GSTA5: variants seen among roughly 807,000 people sequenced by gnomAD.
GSTA5 encodes the protein glutathione S-transferase alpha 5, also known as glutathione S-transferase A5.
GSTA5 carries 25 observed loss-of-function variants against 21.8 expected under a neutral mutation model. The ratio of observed to expected loss-of-function variants is 1.14; its 90% confidence interval spans 0.83 to 1.60. The LOEUF is 1.60. GSTA5 is among the 40% of genes most tolerant of loss of function. The probability of loss-of-function intolerance (pLI) is 0.00; values close to 1 mark genes in which losing one functional copy is unlikely to be tolerated. For synonymous variants in GSTA5, 102 were observed against 89.5 expected, an observed-to-expected ratio of 1.14 and a Z score of -0.78; for missense variants, 330 against 259.2, an observed-to-expected ratio of 1.27 and a Z score of -1.88.
intron 1 of GSTA5, 27 bp downstream of exon 1, chr6:52,840,700 C>G: frequency 6.2e-7 from 1 of 1,600,810 alleles, no homozygotes; most frequent in East Asian, 2.2e-5. Flanking sequence ...TTAAATCCAA[C>G]TTAAGATGAC....
exon 1 of GSTA5, chr6:52,840,838 C>G: frequency 1.3e-6 from 2 of 1,589,658 alleles, no homozygotes; most frequent in Non-Finnish European, 8.6e-7. Context: ...GGAGGTTTCT[C>G]TAAGCCTGAA....
rs550367150 is a variant in GSTA5, at chr6:52,836,226, T to C, written c.272+10A>G. The stretch of plus-strand genomic sequence containing the variant: ...TCTCTGTGGATGGAAGAACAGAAAA[T>C]ATACCATACAGGGCTCTCTCCTTCA... On this transcript the variant is annotated intron_variant, in intron 3 of 5. Coordinates refer to ENST00000370989, the Ensembl canonical transcript of GSTA5. 3.7e-6 allele frequency: 6 copies of C among 1,611,962 alleles called. No individual in the cohort carries two copies. In the South Asian group the frequency reaches 5.5e-5, roughly 15 times the overall value.
exon 6 of GSTA5, chr6:52,831,763 A>T: frequency 6.7e-7 from 1 of 1,503,014 alleles, no homozygotes; most frequent in Non-Finnish European, 9.1e-7. Context: ...TACAAGAGGC[A>T]CAATCCACAC....
chr6:52,834,283 C>G lies in GSTA5; in HGVS notation c.273-1G>C. 1 of 1,602,550 alleles carries G rather than the reference C, an allele frequency of 6.2e-7. No individual in the cohort carries two copies. The highest frequency in any genetic ancestry group is 1.7e-4 in the Middle Eastern group (1 of 6,014). ...TATACCTTCTGTGTACATATCAATC[C>G]TGAAAGACAAAAACAACCAAACCAT... On this transcript the variant is annotated splice_acceptor_variant, in intron 3 of 5. Coordinates refer to ENST00000370989, the Ensembl canonical transcript of GSTA5. LOFTEE classifies it high-confidence loss of function.
chr6:52,836,209 G>A (rs530636590), intron 3 of GSTA5, 27 bp downstream of exon 3: 2 of 1,609,962 alleles, frequency 1.2e-6, no homozygotes, highest in African/African-American at 1.3e-5. Flanking sequence ...GTTCTCTGTG[G>A]ATGGAAGAAC....
intron 4 of GSTA5, among the ~76,000 whole-genome samples, chr6:52,833,700 C>T (rs1460549213): frequency 2.0e-5 from 3 of 152,184 alleles, no homozygotes; most frequent in African/African-American, 4.8e-5. Flanking sequence ...ATCCCTGAAA[C>T]ACTGCAATAT....
chr6:52,833,881 A>G (rs781186232), intron 4 of GSTA5, among the ~76,000 whole-genome samples: 2 of 152,242 alleles, frequency 1.3e-5, no homozygotes, highest in African/African-American at 2.4e-5. Context: ...CTACTTATGA[A>G]TATGAAATTT....
chr6:52,842,910 C>T (rs2127325824), upstream of GSTA5, among the ~76,000 whole-genome samples: 1 of 152,278 alleles, frequency 6.6e-6, no homozygotes, highest in Non-Finnish European at 1.5e-5. Context: ...TAGGCCCCCA[C>T]CCCACTATAG....
chr6:52,841,261 A>G (rs1337766679), upstream of GSTA5, among the ~76,000 whole-genome samples: 2 of 152,254 alleles, frequency 1.3e-5, no homozygotes, highest in African/African-American at 2.4e-5. Context: ...GAAATCGAAC[A>G]TCAGAGAAAT....
At chr6:52,833,860 C>T (rs751347314) in intron 4 of GSTA5, among the ~76,000 whole-genome samples, 3 of 152,192 alleles carry the variant, frequency 2.0e-5, no homozygotes, top group Non-Finnish European at 4.4e-5. Context: ...GAGCCCTCCA[C>T]AGCCCACGTT....
At position 52,831,981 on chromosome 6, in the gene GSTA5, C is replaced by T. The variant is rs773016514; in HGVS notation, c.547-11G>A. ...TCTGGTTTTCAGGGCCTGTAATCCA[C>T]AAAGCACAGCCTCAGAGTGAAGCCA... On this transcript the variant is annotated splice_polypyrimidine_tract_variant and intron_variant, in intron 5 of 5. Transcript: ENST00000370989. 3.7e-6 allele frequency: 6 copies of T among 1,609,998 alleles called. No homozygotes were observed. The African/African-American group carries it at 6.7e-5, about 18-fold the overall frequency.
chr6:52,841,368 C>T (rs184327108), upstream of GSTA5, among the ~76,000 whole-genome samples: 17 of 152,210 alleles, frequency 1.1e-4, no homozygotes, highest in East Asian at 5.8e-4. Flanking sequence ...GGGTGAAGGC[C>T]CTGGGAACCC....
intron 2 of GSTA5, 33 bp downstream of exon 2, chr6:52,837,525 C>A (rs1764309940): frequency 1.4e-6 from 2 of 1,421,486 alleles, no homozygotes; most frequent in African/African-American, 1.4e-5. Context: ...CTACTAGAAA[C>A]TCTCATCAGA....
At chr6:52,834,930 C>G (rs1051462865) in intron 3 of GSTA5, among the ~76,000 whole-genome samples, 7 of 152,212 alleles carry the variant, frequency 4.6e-5, no homozygotes, top group Admixed American at 3.9e-4. Context: ...ATTCTCTATA[C>G]AATTACAACC....
upstream of GSTA5, among the ~76,000 whole-genome samples, chr6:52,842,748 G>C (rs184212824): frequency 5.9e-5 from 9 of 152,242 alleles, no homozygotes; most frequent in African/African-American, 2.2e-4. Context: ...CTTAAATTTA[G>C]ACATCAAAAT....
At chr6:52,844,297 G>A (rs1278796526), upstream of GSTA5, among the ~76,000 whole-genome samples, 1 of 152,106 alleles carries the variant, frequency 6.6e-6, no homozygotes, top group East Asian at 1.9e-4. Context: ...TCTATTCATA[G>A]TATATTAGCC....
intron 1 of GSTA5, among the ~76,000 whole-genome samples, chr6:52,839,425 A>G (rs1156876359): frequency 2.0e-5 from 3 of 152,206 alleles, no homozygotes; most frequent in African/African-American, 7.2e-5. Context: ...ATTTGTACAA[A>G]GGAAACAACC....
intron 1 of GSTA5, 83 bp downstream of exon 1, chr6:52,840,644 T>C: frequency 8.3e-7 from 1 of 1,205,346 alleles, no homozygotes; most frequent in Non-Finnish European, 1.2e-6. Context: ...CTTCAGTAAG[T>C]AATCATTGCA....
At chr6:52,835,641 A>C (rs545609675) in intron 3 of GSTA5, among the ~76,000 whole-genome samples, 120 of 152,298 alleles carry the variant, frequency 7.9e-4, no homozygotes, top group African/African-American at 2.8e-3. Context: ...ATCACAACAG[A>C]GAGGAGACCC....
Sources: allele counts gnomAD v4.1 joint callset (sites outside exome capture counted in the v4.1 genomes callset), GRCh38; gene constraint gnomAD v4.1.1; transcripts MANE v1.5; gene names NCBI Gene and HGNC (gene_info 2026-07-23, HGNC 2026-07-21).